Variants in DCTN6 observed in about 807,000 individuals in gnomAD.
The protein encoded by DCTN6 is dynactin 6.
Under a neutral mutation model 25.8 loss-of-function variants are expected in DCTN6, and 15 were observed. That is an observed-to-expected ratio of 0.58 (90% CI 0.39 to 0.89). The LOEUF (loss-of-function observed/expected upper bound fraction) is 0.89, where lower values mean the gene tolerates loss of function less well. Among genes scored for constraint, DCTN6 ranks in the 40% least tolerant of loss-of-function variants. DCTN6 has a pLI of 0.00. For synonymous variants in DCTN6, 64 were observed against 78.3 expected (o/e 0.82, Z 0.96); for missense variants, 198 against 237.6 (o/e 0.83, Z 1.09).
rs1304951305 is a variant in DCTN6 at position 30,183,297 on chromosome 8, G to A, written c.*124G>A. The A allele has an allele frequency of 4.6e-6, 3 of 653,850 alleles. No individual in the cohort carries two copies. The allele number at this position is 653,850 out of a possible 1,614,324, so 40.5% of individuals were successfully genotyped here. A position where few individuals can be genotyped will look rare whatever the true frequency, so the allele number is the denominator to read the frequency against. ...CATGTTCACTTTATTTTGTAAAATT[G>A]GGTTGAGAGGAAACTAATGGAGTTT... On this transcript the variant is annotated 3_prime_UTR_variant, in exon 7 of 7. Coordinates refer to ENST00000221114, the MANE Select transcript of DCTN6 (RefSeq NM_006571.4).
intron 5 of DCTN6, 49 bp downstream of exon 5, chr8:30,179,504 T>G: frequency 1.3e-6 from 2 of 1,527,058 alleles, no homozygotes; most frequent in Non-Finnish European, 1.8e-6. Context: ...CTCTTTTCTC[T>G]TTGTGGTGTC....
chr8:30,179,929 G>C (rs777424556), intron 5 of DCTN6, among the ~76,000 whole-genome samples: 33 of 152,190 alleles, frequency 2.2e-4, no homozygotes, highest in Non-Finnish European at 3.4e-4. Flanking sequence ...AACTTCAAGA[G>C]CTTGTCCCAC....
intron 4 of DCTN6, 100 bp from the exon 5 acceptor site, chr8:30,179,308 A>AC: frequency 1.1e-6 from 1 of 919,592 alleles, no homozygotes; most frequent in Non-Finnish European, 1.6e-6. Context: ...GGCCCATCTG[A>AC]CACCCCTGTC....
At chr8:30,180,775 G>C in intron 6 of DCTN6, 145 bp downstream of exon 6, 3 of 1,048,586 alleles carry the variant, frequency 2.9e-6, no homozygotes, top group Non-Finnish European at 2.7e-6. Flanking sequence ...CTCGTGCCTG[G>C]AATTCTAGCA....
At chr8:30,164,366 C>G (rs1270042020) in intron 2 of DCTN6, among the ~76,000 whole-genome samples, 191 bp downstream of exon 2, 1 of 152,130 alleles carries the variant, frequency 6.6e-6, no homozygotes, top group African/African-American at 2.4e-5. Context: ...GTTTAAACTC[C>G]TATCTGAAAT....
chr8:30,171,323 C>T lies in DCTN6; in HGVS notation c.89-3762C>T, dbSNP rs77094404. Among the ~76,000 whole-genome samples the T allele has an allele frequency of 2.3e-3, 345 of 152,162 alleles. 7 individuals carry two copies. The East Asian group carries it at 0.052, about 23-fold the overall frequency. The stretch of plus-strand genomic sequence containing the variant: ...AGAGTACAGTGGTACAATCATTGTT[C>T]CCTGTAGCCTCGAACCCCTGGACTC... On this transcript the variant is annotated intron_variant, in intron 2 of 6. Transcript: ENST00000221114.
intron 1 of DCTN6, among the ~76,000 whole-genome samples, chr8:30,160,660 ATAAT>A (rs1466103743): frequency 6.6e-6 from 1 of 152,256 alleles, no homozygotes; most frequent in Non-Finnish European, 1.5e-5. Context: ...ACAATACAGT[ATAAT>A]TATTTACATA....
At chr8:30,171,843 A>G (rs975032698) in intron 2 of DCTN6, among the ~76,000 whole-genome samples, 1 of 152,202 alleles carries the variant, frequency 6.6e-6, no homozygotes, top group Non-Finnish European at 1.5e-5. Flanking sequence ...CAAACATTTC[A>G]TATAATCCAC....
intron 2 of DCTN6, among the ~76,000 whole-genome samples, chr8:30,164,621 G>A (rs4601276): frequency 6.6e-6 from 1 of 152,146 alleles, no homozygotes; most frequent in African/African-American, 2.4e-5. Context: ...TAACCTTGAT[G>A]TTTTTCCCAT....
rs1359437200 is a variant in DCTN6, at chr8:30,175,293, C to T, written c.194+103C>T. On this transcript the variant is annotated intron_variant, in intron 3 of 6. Transcript: ENST00000221114. ...TTTCAGCTGACATCCAGGAGGCCTA[C>T]TATTTTAGAGCTAGAGAAGCATTAA... 8 of 930,810 alleles carry T rather than the reference C, an allele frequency of 8.6e-6. No homozygotes were observed. The East Asian group carries it at 1.9e-4, about 22-fold the overall frequency. 57.7% of individuals were successfully genotyped at this position (930,810 alleles called of 1,614,324 possible). A position where few individuals can be genotyped will look rare whatever the true frequency, so the allele number is the denominator to read the frequency against.
chr8:30,164,862 G>T (rs915542996), intron 2 of DCTN6, among the ~76,000 whole-genome samples: 1 of 152,208 alleles, frequency 6.6e-6, no homozygotes, highest in Admixed American at 6.5e-5. Context: ...ATGTGTTCCA[G>T]CTGTGAGTCA....
At chr8:30,168,634 A>G (rs911489250) in intron 2 of DCTN6, among the ~76,000 whole-genome samples, 2 of 152,224 alleles carry the variant, frequency 1.3e-5, no homozygotes, top group Non-Finnish European at 2.9e-5. Flanking sequence ...TATTTCAGGA[A>G]GAAAGTAATG....
chr8:30,177,709 T>C (rs1049077501), intron 4 of DCTN6, among the ~76,000 whole-genome samples: 5 of 152,128 alleles, frequency 3.3e-5, no homozygotes, highest in Non-Finnish European at 7.3e-5. Context: ...AGAGCAAGAC[T>C]CCTTCTCAAA....
chr8:30,180,902 G>T, intron 6 of DCTN6: 1 of 489,564 alleles, frequency 2.0e-6, no homozygotes, highest in East Asian at 3.1e-5. Context: ...GTGTGGTGGG[G>T]CATGACTATA....
At chr8:30,175,528 T>G (rs923076581) in intron 3 of DCTN6, among the ~76,000 whole-genome samples, 3 of 130,744 alleles carry the variant, frequency 2.3e-5, no homozygotes, top group Non-Finnish European at 4.8e-5. Context: ...CCCTGCAGAG[T>G]TTTTTTTTTT....
chr8:30,161,556 C>A (rs1803594558), intron 1 of DCTN6, among the ~76,000 whole-genome samples: 1 of 152,074 alleles, frequency 6.6e-6, no homozygotes. Flanking sequence ...CAAGCTTATT[C>A]ATGGGCTGAT....
In DCTN6 at chr8:30,179,583, A is replaced by C. The variant is rs543568823; in HGVS notation, c.331+128A>C. 7.6e-5 allele frequency: 53 copies of C among 697,268 alleles called. 1 individual carries two copies. The African/African-American group carries it at 8.9e-4, about 12-fold the overall frequency. 43.2% of individuals were successfully genotyped at this position (697,268 alleles called of 1,614,324 possible). On this transcript the variant is annotated intron_variant, in intron 5 of 6. Transcript: ENST00000221114. ...GGAAGTGGGCTACAATAGCTGGCGA[A>C]CTAATTGTTTGCCACTAAGGAACCT...
chr8:30,162,915 A>G lies in DCTN6; in HGVS notation c.24-1196A>G, dbSNP rs187680563. On this transcript the variant is annotated intron_variant, in intron 1 of 6. Coordinates refer to ENST00000221114, the MANE Select transcript of DCTN6 (RefSeq NM_006571.4). ...TTTTCTTCCTACCTTTACAAAAATA[A>G]TGGCATATTACATACTGTCCATTTT... Among the ~76,000 whole-genome samples the G allele has an allele frequency of 6.6e-5, 10 of 152,322 alleles. No homozygotes were observed. The East Asian group carries it at 1.7e-3, about 26-fold the overall frequency.
chr8:30,179,275 T>C (rs1475836536), intron 4 of DCTN6, 133 bp from the exon 5 acceptor site: 1 of 547,862 alleles, frequency 1.8e-6, no homozygotes, highest in Non-Finnish European at 3.2e-6. Flanking sequence ...GAGCAAAGAG[T>C]TCTGGCAAGG....
Sources: allele counts gnomAD v4.1 joint callset (sites outside exome capture counted in the v4.1 genomes callset), GRCh38; gene constraint gnomAD v4.1.1; transcripts MANE v1.5; gene names NCBI Gene and HGNC (gene_info 2026-07-23, HGNC 2026-07-21).